The following CFAP46 variants were observed in gnomAD, a reference collection of about 807,000 sequenced individuals.
CFAP46 encodes the protein cilia- and flagella-associated protein 46.
Under a neutral mutation model 325.7 loss-of-function variants are expected in CFAP46, and 245 were observed. The observed-to-expected ratio is 0.75, with a 90% CI of 0.68 to 0.84. CFAP46 has a LOEUF of 0.84. Among genes scored for constraint, CFAP46 ranks in the 40% least tolerant of loss-of-function variants. The pLI is 0.00. For missense variants in CFAP46, 3,346 were observed against 3,543.0 expected (o/e 0.94, Z 1.41); for synonymous variants, 1,523 against 1,495.9 (o/e 1.02, Z -0.42).
In CFAP46 at chr10:132,880,863, T is replaced by G; in HGVS notation, c.3797A>C (p.Asp1266Ala). ...CCCTGCCAGCGGCGTGGGCTCACCA[T>G]CCGGCGTGGGCTGTGGCTCAGGGAC... is the stretch of plus-strand genomic sequence containing the variant. ...GDVPEPQPTP[D>A]GEYVAVEMPP... Residue 1266 changes from aspartate (D) to alanine (A), a missense_variant and splice_region_variant, in exon 28 of 58, where the codon GAT becomes GCT. Physicochemically the swap from Asp to Ala is moderately radical, Grantham distance 126. Coordinates refer to ENST00000368586, the MANE Select transcript of CFAP46 (RefSeq NM_001200049.3). The G allele has an allele frequency of 1.3e-6, 2 of 1,546,604 alleles. No individual in the cohort carries two copies. Among genetic ancestry groups the G allele is most frequent in the Non-Finnish European group, 1.7e-6 (2 of 1,146,440 alleles).
intron 9 of CFAP46, 145 bp from the exon 10 acceptor site, chr10:132,926,811 C>T (rs10870209): frequency 0.026 from 17,785 of 679,262 alleles, 368 homozygotes; most frequent in Non-Finnish European, 0.025. Context: ...ACACCTATGA[C>T]GCAGAGGTTT....
chr10:132,838,116 C>T (rs755889908), intron 44 of CFAP46, among the ~76,000 whole-genome samples: 14 of 152,350 alleles, frequency 9.2e-5, no homozygotes, highest in Non-Finnish European at 1.6e-4. Flanking sequence ...GGCAGCAGCT[C>T]CGGCCCGTCC....
At chr10:132,834,798 C>T (rs962573959) in intron 47 of CFAP46, 23 bp from the exon 48 acceptor site, 11 of 1,604,286 alleles carry the variant, frequency 6.9e-6, no homozygotes, top group South Asian at 2.2e-5. Context: ...AAAAAAGAGG[C>T]CCCCGTAGCA....
chr10:132,940,047 G>A (rs527717194), intron 4 of CFAP46, among the ~76,000 whole-genome samples: 62 of 152,216 alleles, frequency 4.1e-4, no homozygotes, highest in African/African-American at 8.2e-4. Context: ...CACCACTCCC[G>A]CGTCACAGCA....
rs1000227519 is a variant in CFAP46, at chr10:132,884,584, A to G, written c.3627+519T>C. ...TGCCCCTGACAAGCAGAGGCATCAA[A>G]TCAACGCCAAAGCACCCACCTCCTC... On this transcript the variant is annotated intron_variant, in intron 27 of 57. Transcript: ENST00000368586. The surrounding 1 kb of genome is among the most constrained non-coding windows in gnomAD (Gnocchi z 5.4). Among the ~76,000 whole-genome samples the G allele has an allele frequency of 6.6e-6, 1 of 152,086 alleles. No individual in the cohort carries two copies. Among genetic ancestry groups the G allele is most frequent in the African/African-American group, 2.4e-5 (1 of 41,424 alleles).
At chr10:132,826,878 C>A (rs578194793) in intron 50 of CFAP46, among the ~76,000 whole-genome samples, 1 of 152,274 alleles carries the variant, frequency 6.6e-6, no homozygotes, top group Admixed American at 6.5e-5. Context: ...GATAAAAGGC[C>A]CTGGCTTTGC....
rs1849264393 is a variant in CFAP46 at position 132,892,298 on chromosome 10, CTGGAGCCTG to C, written c.3304+26_3304+34del. The C allele has an allele frequency of 1.9e-6, 3 of 1,542,840 alleles. No individual in the cohort carries two copies. The African/African-American group carries it at 4.1e-5, about 21-fold the overall frequency. On this transcript the variant is annotated intron_variant, in intron 25 of 57. Coordinates refer to ENST00000368586, the MANE Select transcript of CFAP46 (RefSeq NM_001200049.3). ...CTCAAGTCCTTCCCTTTCCTTGTAC[CTGGAGCCTG>C]TGGGTCTGTCTGTCCTGCTACAAAC...
At chr10:132,892,720 C>A (rs1591076799) in intron 24 of CFAP46, among the ~76,000 whole-genome samples, 2 of 152,206 alleles carry the variant, frequency 1.3e-5, no homozygotes, top group East Asian at 3.8e-4. Flanking sequence ...GATTGGAGTG[C>A]ACGTTCAGCG....
intron 4 of CFAP46, among the ~76,000 whole-genome samples, chr10:132,940,481 G>A (rs1053964291): frequency 1.3e-5 from 2 of 152,354 alleles, no homozygotes; most frequent in Non-Finnish European, 2.9e-5. Context: ...CAAGTTGTCC[G>A]CTAGGGAGCA....
rs1029606406 is a variant in CFAP46, at chr10:132,827,557, C to T, written c.7117+5801G>A. ...GAGGCCTTGGGGTCACAGGAAGGCT[C>T]GGAGTGCCAGAGTACAGAGTCCAAT... On this transcript the variant is annotated intron_variant, in intron 50 of 57. Transcript: ENST00000368586. The surrounding 1 kb of genome is among the most constrained non-coding windows in gnomAD (Gnocchi z 5.7). Among the ~76,000 whole-genome samples the T allele has an allele frequency of 2.0e-5, 3 of 152,002 alleles. No homozygotes were observed. Among genetic ancestry groups the T allele is most frequent in the Admixed American group, 6.6e-5 (1 of 15,256 alleles).
At chr10:132,897,413 G>A (rs1206249168) in intron 24 of CFAP46, among the ~76,000 whole-genome samples, 9 of 152,224 alleles carry the variant, frequency 5.9e-5, no homozygotes, top group Admixed American at 3.3e-4. Context: ...ATGAACCTCC[G>A]TCTGCTACGG....
rs183673591 is a variant in CFAP46, at chr10:132,916,096, G to A, written c.2120+453C>T. 4.2e-4 allele frequency among the ~76,000 whole-genome samples: 64 copies of A among 152,286 alleles called. No homozygotes were observed. The East Asian group carries it at 0.01, about 25-fold the overall frequency. ...TTATTGACACACAAGGCGTTTTCGA[G>A]GCCAAGGCAGTCCTCGATAGCTTTT... On this transcript the variant is annotated intron_variant, in intron 17 of 57. Coordinates refer to ENST00000368586, the MANE Select transcript of CFAP46 (RefSeq NM_001200049.3).
At chr10:132,825,299 T>A (rs1171030756) in intron 50 of CFAP46, among the ~76,000 whole-genome samples, 2 of 138,086 alleles carry the variant, frequency 1.4e-5, no homozygotes. Flanking sequence ...GTGTGCTGTG[T>A]GTACTGATGT....
chr10:132,844,332 A>C (rs538113798), intron 44 of CFAP46, among the ~76,000 whole-genome samples: 12 of 152,192 alleles, frequency 7.9e-5, no homozygotes, highest in Admixed American at 7.8e-4. Context: ...TGATTTCCGA[A>C]TTGCCCAGTG....
At chr10:132,816,328 CTTTTTTTT>C (rs1008391673) in intron 50 of CFAP46, among the ~76,000 whole-genome samples, 2 of 118,858 alleles carry the variant, frequency 1.7e-5, no homozygotes, top group South Asian at 2.8e-4. Flanking sequence ...CTGACTTCTT[CTTTTTTTT>C]TTTTTTTTTT....
At chr10:132,912,277 C>A (rs1849554199) in intron 19 of CFAP46, among the ~76,000 whole-genome samples, 1 of 86,410 alleles carries the variant, frequency 1.2e-5, no homozygotes, top group Non-Finnish European at 2.4e-5. Flanking sequence ...TCTCTCTTCT[C>A]CTCTCTCCTC....
At chr10:132,915,559 G>C (rs370559787) in intron 17 of CFAP46, among the ~76,000 whole-genome samples, 1 of 151,416 alleles carries the variant, frequency 6.6e-6, no homozygotes, top group Non-Finnish European at 1.5e-5. Flanking sequence ...GCGGGGCGCC[G>C]TGCCCAGCTT....
Position 132,915,599 on chromosome 10 carries a change from G to A in CFAP46, c.2120+950C>T, listed in dbSNP as rs546125537. Among the ~76,000 whole-genome samples, 130 of 151,562 alleles carry A rather than the reference G, an allele frequency of 8.6e-4. 2 individuals carry two copies. The highest frequency in any genetic ancestry group is 2.2e-3 in the African/African-American group (90 of 41,144). On this transcript the variant is annotated intron_variant, in intron 17 of 57. Transcript: ENST00000368586. ...CCCGAGGGACCGGTGAGGGCGGGGC[G>A]CCGTGCCCAGCTTCTGCCCCGAGGG...
At chr10:132,904,609 C>T (rs1328846068) in intron 22 of CFAP46, among the ~76,000 whole-genome samples, 1 of 152,236 alleles carries the variant, frequency 6.6e-6, no homozygotes, top group African/African-American at 2.4e-5. Context: ...GGCCAGGGCG[C>T]CCAGCCCCCA....
Sources: gnomAD v4.1 joint callset for allele counts (sites outside exome capture counted in the v4.1 genomes callset) on GRCh38, gnomAD v4.1.1 for gene constraint, Gnocchi (gnomAD v3.1) non-coding constraint, MANE v1.5 for transcripts, NCBI Gene and HGNC (gene_info 2026-07-23, HGNC 2026-07-21) for gene names.